Variants in FRS2 observed in about 807,000 individuals in gnomAD.
FRS2 encodes fibroblast growth factor receptor substrate 2.
Under a neutral mutation model 43.9 loss-of-function variants are expected in FRS2, and 8 were observed. The observed-to-expected ratio is 0.18, with a 90% CI of 0.11 to 0.33. FRS2 has a LOEUF of 0.33. Among genes scored for constraint, FRS2 ranks in the 10% least tolerant of loss-of-function variants. The pLI is 1.00. For missense variants in FRS2, 534 were observed against 627.6 expected, an observed-to-expected ratio of 0.85 and a Z score of 1.59; for synonymous variants, 219 against 220.3, an observed-to-expected ratio of 0.99 and a Z score of 0.05.
At chr12:69,554,487 A>G (rs1011870091) in intron 3 of FRS2, among the ~76,000 whole-genome samples, 6 of 152,218 alleles carry the variant, frequency 3.9e-5, no homozygotes, top group Non-Finnish European at 8.8e-5. Context: ...TAATTTTAGA[A>G]TGTTAAGTTG....
chr12:69,535,926 TTTAGAA>T (rs1441575795), intron 3 of FRS2, among the ~76,000 whole-genome samples: 4 of 151,956 alleles, frequency 2.6e-5, no homozygotes, highest in African/African-American at 9.7e-5. Context: ...AATTAAACAA[TTTAGAA>T]TTAGAATTGT....
At chr12:69,550,714 C>T (rs4761242) in intron 3 of FRS2, among the ~76,000 whole-genome samples, 1 of 152,160 alleles carries the variant, frequency 6.6e-6, no homozygotes, top group African/African-American at 2.4e-5. Context: ...AAAACCTCAC[C>T]TGAGCCATAC....
rs187107332 is a variant in FRS2 at position 69,526,759 on chromosome 12, C to T, written c.-260-4106C>T. Among the ~76,000 whole-genome samples, 1,099 of 151,632 alleles carry T rather than the reference C, an allele frequency of 7.2e-3. 8 individuals are homozygous for T. Among genetic ancestry groups the T allele is most frequent in the African/African-American group, 0.024 (1,012 of 41,334 alleles). ...TTTTTTTTGAGACAGAGTGTCACTC[C>T]GTCACCCAGGCTAGAGTGCAGTGGC... is the stretch of plus-strand genomic sequence containing the variant. On this transcript the variant is annotated intron_variant, in intron 1 of 8. Coordinates refer to ENST00000549921, the MANE Select transcript of FRS2 (RefSeq NM_001278356.2).
chr12:69,520,406 A>C (rs1875521712), intron 1 of FRS2, among the ~76,000 whole-genome samples: 1 of 144,436 alleles, frequency 6.9e-6, no homozygotes, highest in Non-Finnish European at 1.5e-5. Flanking sequence ...GCTGGGCAGA[A>C]GCCCTTTAAT....
At chr12:69,518,095 A>C (rs1238433088) in intron 1 of FRS2, among the ~76,000 whole-genome samples, 4 of 152,186 alleles carry the variant, frequency 2.6e-5, no homozygotes, top group Non-Finnish European at 5.9e-5. Context: ...TTTCATGAGA[A>C]ACACTATTTC....
rs565072419 is a variant in FRS2 at position 69,554,259 on chromosome 12, A to C, written c.-121-7921A>C. The stretch of plus-strand genomic sequence containing the variant: ...TTATAAAAGCTATTCAAACACTAGA[A>C]AACATAAAAAGAAAAAATCCTTTTC... On this transcript the variant is annotated intron_variant, in intron 3 of 8. Coordinates refer to ENST00000549921, the MANE Select transcript of FRS2 (RefSeq NM_001278356.2). Among the ~76,000 whole-genome samples the C allele has an allele frequency of 5.3e-5, 8 of 152,338 alleles. No homozygotes were observed. In the South Asian group the frequency reaches 1.2e-3, roughly 24 times the overall value.
chr12:69,562,845 G>A (rs1412470862), intron 4 of FRS2, among the ~76,000 whole-genome samples: 3 of 151,818 alleles, frequency 2.0e-5, no homozygotes, highest in Non-Finnish European at 4.4e-5. Flanking sequence ...GTGTGCCACT[G>A]TGCCCAGCTA....
chr12:69,566,197 G>A (rs1880282608), intron 4 of FRS2, among the ~76,000 whole-genome samples: 1 of 151,970 alleles, frequency 6.6e-6, no homozygotes, highest in African/African-American at 2.4e-5. Context: ...ACCTTAACAG[G>A]TAGCTTATGA....
intron 1 of FRS2, among the ~76,000 whole-genome samples, chr12:69,515,806 C>T (rs1221561144): frequency 2.0e-5 from 3 of 150,316 alleles, no homozygotes; most frequent in Admixed American, 2.0e-4. Context: ...TGTGCTTTCC[C>T]TAGAGTAAAC....
chr12:69,530,369 C>T (rs922366991), intron 1 of FRS2, among the ~76,000 whole-genome samples: 1 of 151,464 alleles, frequency 6.6e-6, no homozygotes, highest in Non-Finnish European at 1.5e-5. Context: ...TCCCGTGGTA[C>T]AAATAGCCAG....
At chr12:69,476,829 G>C (rs1377136711) in intron 1 of FRS2, among the ~76,000 whole-genome samples, 2 of 152,062 alleles carry the variant, frequency 1.3e-5, no homozygotes, top group African/African-American at 4.8e-5. Context: ...CTTAACATTT[G>C]TTTCTTTTGA....
chr12:69,485,595 G>A (rs773775300), intron 1 of FRS2, among the ~76,000 whole-genome samples: 4 of 152,110 alleles, frequency 2.6e-5, no homozygotes, highest in Non-Finnish European at 5.9e-5. Context: ...CGATTTTCCT[G>A]CCTCAGCCTC....
chr12:69,568,327 ATAC>A (rs370670683), intron 4 of FRS2, among the ~76,000 whole-genome samples: 39 of 152,348 alleles, frequency 2.6e-4, no homozygotes, highest in South Asian at 8.3e-4. Flanking sequence ...GACATAAAAG[ATAC>A]TACAATGAGT....
rs1032586893 is a variant in FRS2, at chr12:69,577,924, A to G, written c.*2969A>G. On this transcript the variant is annotated 3_prime_UTR_variant, in exon 9 of 9. Coordinates refer to ENST00000549921, the MANE Select transcript of FRS2 (RefSeq NM_001278356.2). ...AGCAATCTTTGTTTTTATAGATACT[A>G]ATGTTGACCCTCTCCAGCGTTCAAT... 6.6e-6 allele frequency: 1 copy of G among 152,550 alleles called. No individual in the cohort carries two copies. The highest frequency in any genetic ancestry group is 2.4e-5 in the African/African-American group (1 of 41,436). 9.4% of individuals were successfully genotyped at this position (152,550 alleles called of 1,614,324 possible). A position where few individuals can be genotyped will look rare whatever the true frequency, so the allele number is the denominator to read the frequency against.
chr12:69,515,793 A>G (rs866359337), intron 1 of FRS2, among the ~76,000 whole-genome samples: 1 of 149,806 alleles, frequency 6.7e-6, no homozygotes, highest in African/African-American at 2.5e-5. Context: ...TTAAGTTTGA[A>G]TCTGTGCTTT....
At chr12:69,518,462 C>T (rs2135598361) in intron 1 of FRS2, among the ~76,000 whole-genome samples, 1 of 152,070 alleles carries the variant, frequency 6.6e-6, no homozygotes, top group Middle Eastern at 3.4e-3. Context: ...AATCCTAGCA[C>T]TTTGGGAGGC....
chr12:69,503,548 T>G (rs918379820), intron 1 of FRS2, among the ~76,000 whole-genome samples: 1 of 152,120 alleles, frequency 6.6e-6, no homozygotes, highest in African/African-American at 2.4e-5. Flanking sequence ...AGTCGCCTCT[T>G]GTGTGTGGTG....
At chr12:69,548,302 C>T (rs547562030) in intron 3 of FRS2, among the ~76,000 whole-genome samples, 6 of 152,128 alleles carry the variant, frequency 3.9e-5, no homozygotes, top group South Asian at 2.1e-4. Context: ...GTAATAGTTT[C>T]GAAATGGTAA....
Position 69,570,445 on chromosome 12 carries a change from T to G in FRS2, c.181T>G (p.Cys61Gly). The change falls in exon 6 of 9, where the codon TGC becomes GGC. Residue 61 changes from cysteine to glycine, a missense_variant. Physicochemically the swap from Cys to Gly is radical, Grantham distance 159 (BLOSUM62 -3). Transcript: ENST00000549921. ...TGACTCAGTAAAATGGCACTACCTC[T>G]GCCTGCGACGCTATGGCTATGACTC... ...KRDSVKWHYL[C>G]LRRYGYDSNL... is the part of the protein sequence containing the mutation. The G allele has an allele frequency of 6.2e-7, 1 of 1,612,806 alleles. No individual in the cohort carries two copies. The highest frequency in any genetic ancestry group is 8.5e-7 in the Non-Finnish European group (1 of 1,178,758).
Sources: allele counts gnomAD v4.1 joint callset (sites outside exome capture counted in the v4.1 genomes callset), GRCh38; gene constraint gnomAD v4.1.1; transcripts MANE v1.5; gene names NCBI Gene and HGNC (gene_info 2026-07-23, HGNC 2026-07-21).